Variants in LHPP observed in about 807,000 individuals in gnomAD.
LHPP encodes the protein phospholysine phosphohistidine inorganic pyrophosphate phosphatase.
LHPP carries 24 observed loss-of-function variants against 30.3 expected under a neutral mutation model. The ratio of observed to expected loss-of-function variants is 0.79; its 90% CI spans 0.57 to 1.11. The LOEUF is 1.11. Ranked by LOEUF, LHPP falls within the 50% of genes most tolerant of loss-of-function variation. LHPP has a pLI of 0.00. For missense variants in LHPP, 356 were observed against 367.2 expected, an observed-to-expected ratio of 0.97 and a Z score of 0.25; for synonymous variants, 150 against 157.1, an observed-to-expected ratio of 0.95 and a Z score of 0.34.
At chr10:124,476,962 C>CT (rs1170647891) in intron 1 of LHPP, among the ~76,000 whole-genome samples, 1 of 152,186 alleles carries the variant, frequency 6.6e-6, no homozygotes, top group African/African-American at 2.4e-5. Flanking sequence ...AATCCCAGCA[C>CT]TTTGGGAGGC....
intron 6 of LHPP, among the ~76,000 whole-genome samples, chr10:124,570,131 G>A (rs1948560022): frequency 6.6e-6 from 1 of 152,270 alleles, no homozygotes; most frequent in South Asian, 2.1e-4. Flanking sequence ...TCCCTCCCTG[G>A]CTTCAATCTC....
At chr10:124,589,876 A>G (rs1948857240) in intron 6 of LHPP, among the ~76,000 whole-genome samples, 1 of 152,056 alleles carries the variant, frequency 6.6e-6, no homozygotes, top group South Asian at 2.1e-4. Context: ...GAATGAGTTC[A>G]TTATGTCTCA....
chr10:124,488,852 C>T (rs1354014750), intron 3 of LHPP, among the ~76,000 whole-genome samples: 2 of 152,094 alleles, frequency 1.3e-5, no homozygotes, highest in African/African-American at 4.8e-5. Context: ...CAGAGGGAGA[C>T]CCTCTGGAGA....
chr10:124,554,660 A>AGGGGCCAGGTGGGC (rs1024131169), intron 6 of LHPP, among the ~76,000 whole-genome samples: 7 of 149,674 alleles, frequency 4.7e-5, no homozygotes, highest in African/African-American at 1.5e-4. Context: ...CCCAGGTGGG[A>AGGGGCCAGGTGGGC]GGGGCCAGGT....
chr10:124,550,840 C>T (rs1024403978), intron 6 of LHPP, among the ~76,000 whole-genome samples: 8 of 152,210 alleles, frequency 5.3e-5, no homozygotes, highest in African/African-American at 1.2e-4. Flanking sequence ...CTCCTGCCCA[C>T]GGCCCTGCCA....
intron 1 of LHPP, among the ~76,000 whole-genome samples, chr10:124,467,211 G>T (rs375009541): frequency 1.3e-5 from 2 of 152,026 alleles, no homozygotes; most frequent in Admixed American, 6.6e-5. Context: ...GGCAGGAGGT[G>T]GGGGGGCTTG....
Position 124,592,568 on chromosome 10 carries a change from C to T in LHPP, c.717-20696C>T, listed in dbSNP as rs563715171. ...TCCAGTCCTCAGTTTCCCCTTCTCT[C>T]CGGCACCCTCCTGAGGACCACTGAG... On this transcript the variant is annotated intron_variant, in intron 6 of 6. Coordinates refer to ENST00000368842, the MANE Select transcript of LHPP (RefSeq NM_022126.4). The surrounding 1 kb of genome is among the most constrained non-coding windows in gnomAD (Gnocchi z 6.2). Among the ~76,000 whole-genome samples, 3 of 152,330 alleles carry T rather than the reference C, an allele frequency of 2.0e-5. No homozygotes were observed. The highest frequency in any genetic ancestry group is 2.1e-4 in the South Asian group (1 of 4,826).
chr10:124,477,458 G>A (rs923695342), intron 1 of LHPP, among the ~76,000 whole-genome samples: 1 of 152,196 alleles, frequency 6.6e-6, no homozygotes, highest in African/African-American at 2.4e-5. Context: ...GGAGGCTGAA[G>A]CCTGATGTGG....
At chr10:124,562,362 A>G (rs1250260311) in intron 6 of LHPP, among the ~76,000 whole-genome samples, 1 of 152,120 alleles carries the variant, frequency 6.6e-6, no homozygotes. Context: ...GCCAAATGAA[A>G]ATTTTAGAAC....
At chr10:124,471,430 TTATATATTATATATATTTATATATTTA>T (rs1952734606) in intron 1 of LHPP, among the ~76,000 whole-genome samples, 1 of 6,960 alleles carries the variant, frequency 1.4e-4, no homozygotes, top group African/African-American at 2.5e-4. Flanking sequence ...ATATATATAT[TTATATATTATATATATTTATATATTTA>T]TATATATTTA....
chr10:124,567,973 C>T (rs560815090), intron 6 of LHPP, among the ~76,000 whole-genome samples: 2 of 152,266 alleles, frequency 1.3e-5, no homozygotes, highest in African/African-American at 4.8e-5. Context: ...AGTGCAGTGG[C>T]GCGATCTCGG....
rs1948959634 is a variant in LHPP at position 124,597,381 on chromosome 10, T to C, written c.717-15883T>C. On this transcript the variant is annotated intron_variant, in intron 6 of 6. Coordinates refer to ENST00000368842, the MANE Select transcript of LHPP (RefSeq NM_022126.4). ...CCCTCACCTGGCCTTCAGCTTCAGT[T>C]TCTTTGCCTACTGGGCTGAATATTG... 4.6e-5 allele frequency among the ~76,000 whole-genome samples: 7 copies of C among 152,322 alleles called. No homozygotes were observed. The South Asian group carries it at 1.5e-3, about 32-fold the overall frequency.
intron 6 of LHPP, among the ~76,000 whole-genome samples, chr10:124,571,038 A>C (rs968609327): frequency 2.0e-5 from 3 of 152,188 alleles, no homozygotes; most frequent in African/African-American, 7.2e-5. Flanking sequence ...AGATGGTTTT[A>C]AAAAGCGGAG....
intron 6 of LHPP, among the ~76,000 whole-genome samples, chr10:124,579,837 A>T (rs17622745): frequency 0.033 from 4,970 of 152,234 alleles, 142 homozygotes; most frequent in Non-Finnish European, 0.049. Context: ...TACTAATTAG[A>T]TATACGCTGT....
In LHPP at chr10:124,478,556, T is replaced by G. The variant is rs564059904; in HGVS notation, c.126-5583T>G. On this transcript the variant is annotated intron_variant, in intron 1 of 6. Transcript: ENST00000368842. This position sits in a 1 kb window ranked among gnomAD's most constrained non-coding sequence, Gnocchi z 4.7. ...ATGTCCAATAATTGTCCTAACAGTT[T>G]ACCTGCTGTGGAACAGTAATGAGAG... Among the ~76,000 whole-genome samples the G allele has an allele frequency of 6.6e-6, 1 of 152,250 alleles. No individual in the cohort carries two copies. The highest frequency in any genetic ancestry group is 2.4e-5 in the African/African-American group (1 of 41,484).
chr10:124,499,156 A>G (rs988123088), intron 5 of LHPP, among the ~76,000 whole-genome samples: 1 of 151,836 alleles, frequency 6.6e-6, no homozygotes, highest in Non-Finnish European at 1.5e-5. Flanking sequence ...CTGGGATTAC[A>G]GGTGTGAGCC....
At chr10:124,580,934 G>A (rs918801325) in intron 6 of LHPP, among the ~76,000 whole-genome samples, 1 of 152,130 alleles carries the variant, frequency 6.6e-6, no homozygotes, top group Non-Finnish European at 1.5e-5. Context: ...GGCCAGGCTG[G>A]TTTTGAACTC....
intron 6 of LHPP, among the ~76,000 whole-genome samples, chr10:124,518,167 A>G (rs1444724671): frequency 6.6e-6 from 1 of 152,182 alleles, no homozygotes; most frequent in African/African-American, 2.4e-5. Context: ...GGCTCAGCGC[A>G]CCTGGGTCCA....
At chr10:124,547,095 T>C (rs1050822573) in intron 6 of LHPP, among the ~76,000 whole-genome samples, 2 of 152,110 alleles carry the variant, frequency 1.3e-5, no homozygotes, top group African/African-American at 4.8e-5. Context: ...AATTGTCCTG[T>C]TCCTCTTTGC....
Sources: gnomAD v4.1 joint callset for allele counts (sites outside exome capture counted in the v4.1 genomes callset) on GRCh38, gnomAD v4.1.1 for gene constraint, Gnocchi (gnomAD v3.1) non-coding constraint, MANE v1.5 for transcripts, NCBI Gene and HGNC (gene_info 2026-07-23, HGNC 2026-07-21) for gene names.